PTPRD: variants seen among roughly 807,000 people sequenced by gnomAD.
The protein encoded by PTPRD is protein tyrosine phosphatase receptor type D, also known as receptor-type tyrosine-protein phosphatase delta.
In PTPRD, 34 loss-of-function variants were observed where a neutral mutation model predicts 214.5. That is an observed-to-expected ratio of 0.16 (90% confidence interval 0.12 to 0.21). The LOEUF (loss-of-function observed/expected upper bound fraction) is 0.21. Among genes scored for constraint, PTPRD ranks in the 10% least tolerant of loss-of-function variants. The pLI, the probability that PTPRD is intolerant of heterozygous loss-of-function variation, is 1.00. For missense variants in PTPRD, 2,545 were observed against 2,398.7 expected (o/e 1.06, Z -1.27); for synonymous variants, 1,128 against 845.7 (o/e 1.33, Z -5.79).
intron 9 of PTPRD, among the ~76,000 whole-genome samples, chr9:9,325,731 T>C (rs921396732): frequency 2.0e-5 from 3 of 152,130 alleles, no homozygotes; most frequent in Non-Finnish European, 4.4e-5. Flanking sequence ...AACACTATGT[T>C]GAATAGGAGT....
chr9:9,114,542 A>G (rs2099810378), intron 10 of PTPRD, among the ~76,000 whole-genome samples: 1 of 152,114 alleles, frequency 6.6e-6, no homozygotes, highest in African/African-American at 2.4e-5. Context: ...ATCAACATGA[A>G]TATTGACATT....
At chr9:9,885,615 A>G (rs2153748883) in intron 5 of PTPRD, among the ~76,000 whole-genome samples, 1 of 152,060 alleles carries the variant, frequency 6.6e-6, no homozygotes, top group Non-Finnish European at 1.5e-5. Flanking sequence ...AGGGAAGGAG[A>G]AGGGAGGGTA....
At chr9:9,265,717 A>G (rs1939156510) in intron 9 of PTPRD, among the ~76,000 whole-genome samples, 1 of 151,458 alleles carries the variant, frequency 6.6e-6, no homozygotes. Flanking sequence ...TATAGTATAT[A>G]CACAAAAGAT....
chr9:9,829,457 T>C (rs1174182439), intron 5 of PTPRD, among the ~76,000 whole-genome samples: 3 of 151,862 alleles, frequency 2.0e-5, no homozygotes, highest in Admixed American at 1.3e-4. Context: ...AATATCCCAA[T>C]TCCTCTGGCT....
At chr9:8,850,443 C>T (rs926657261) in intron 11 of PTPRD, among the ~76,000 whole-genome samples, 3 of 152,012 alleles carry the variant, frequency 2.0e-5, no homozygotes, top group African/African-American at 7.2e-5. Flanking sequence ...AAGTGAATGT[C>T]AAAGAAGTAA....
At chr9:10,375,432 G>A (rs777419615) in intron 2 of PTPRD, among the ~76,000 whole-genome samples, 4 of 151,924 alleles carry the variant, frequency 2.6e-5, no homozygotes, top group Non-Finnish European at 5.9e-5. Flanking sequence ...TAATAACCAT[G>A]AGACTACCTA....
In PTPRD at chr9:10,612,952, C is replaced by A. The variant is rs1021748469; in HGVS notation, c.-972G>T. ...GGCGGGGAGCCGAGGCGGCCGCTCC[C>A]GCACTCGCTCGCTCGCTCGCTGGCG... On this transcript the variant is annotated 5_prime_UTR_variant, in exon 1 of 46. Coordinates refer to ENST00000381196, the MANE Select transcript of PTPRD (RefSeq NM_002839.4). Among the ~76,000 whole-genome samples, 32 of 151,406 alleles carry A rather than the reference C, an allele frequency of 2.1e-4. No homozygotes were observed. The highest frequency in any genetic ancestry group is 7.7e-4 in the African/African-American group (32 of 41,420).
Position 8,929,707 on chromosome 9 carries a change from A to ATATATATATGTG in PTPRD, c.-104+88978_-104+88989dup, listed in dbSNP as rs1567059832. On this transcript the variant is annotated intron_variant, in intron 11 of 45. Coordinates refer to ENST00000381196, the MANE Select transcript of PTPRD (RefSeq NM_002839.4). ...TATATATGTGTATATATATATGTGT[A>ATATATATATGTG]TATATATATGTGTATATATATATGT... 2.4e-4 allele frequency among the ~76,000 whole-genome samples: 29 copies of ATATATATATGTG among 122,166 alleles called. 1 individual carries two copies. Among genetic ancestry groups the ATATATATATGTG allele is most frequent in the Admixed American group, 8.4e-4 (10 of 11,964 alleles). The allele number at this position is 122,166 out of a possible 152,430, so 80.1% of individuals were successfully genotyped here.
intron 3 of PTPRD, among the ~76,000 whole-genome samples, chr9:10,039,778 G>C (rs935604602): frequency 9.9e-5 from 15 of 151,714 alleles, no homozygotes; most frequent in Admixed American, 6.6e-5. Flanking sequence ...TATCAAATTG[G>C]ATACGACTGC....
At chr9:8,655,109 T>C (rs186712272) in intron 12 of PTPRD, among the ~76,000 whole-genome samples, 457 of 152,178 alleles carry the variant, frequency 3.0e-3, no homozygotes, top group South Asian at 0.013. Context: ...GTTAAAAAAA[T>C]AGGAAAGATG....
chr9:9,148,462 T>C (rs985549814), intron 10 of PTPRD, among the ~76,000 whole-genome samples: 5 of 152,164 alleles, frequency 3.3e-5, no homozygotes, highest in African/African-American at 1.2e-4. Context: ...AGCTTCTTTT[T>C]GTAGATGAGT....
At chr9:10,475,729 A>G (rs2099058459) in intron 2 of PTPRD, among the ~76,000 whole-genome samples, 1 of 152,156 alleles carries the variant, frequency 6.6e-6, no homozygotes, top group South Asian at 2.1e-4. Context: ...AAAATTCTCA[A>G]TAAAATACTA....
intron 10 of PTPRD, among the ~76,000 whole-genome samples, chr9:9,067,570 G>C (rs1590947644): frequency 6.6e-6 from 1 of 152,092 alleles, no homozygotes; most frequent in South Asian, 2.1e-4. Flanking sequence ...TATACTTCAA[G>C]GTTTGCAAGG....
chr9:10,342,994 A>G (rs2096972792), intron 2 of PTPRD, among the ~76,000 whole-genome samples: 1 of 152,140 alleles, frequency 6.6e-6, no homozygotes, highest in African/African-American at 2.4e-5. Context: ...TTTATTTTTT[A>G]TACTTTAAGT....
intron 9 of PTPRD, among the ~76,000 whole-genome samples, chr9:9,283,241 AT>A (rs1948351347): frequency 6.6e-6 from 1 of 151,448 alleles, no homozygotes; most frequent in Admixed American, 6.6e-5. Flanking sequence ...GGTTATGCTA[AT>A]TTTACTTCCA....
At chr9:8,618,309 A>G (rs1028465449) in intron 14 of PTPRD, among the ~76,000 whole-genome samples, 6 of 152,132 alleles carry the variant, frequency 3.9e-5, no homozygotes, top group African/African-American at 1.2e-4. Context: ...AATCTGATAC[A>G]TATTAAATGA....
intron 10 of PTPRD, among the ~76,000 whole-genome samples, chr9:9,093,359 T>C (rs2099778959): frequency 6.6e-6 from 1 of 152,034 alleles, no homozygotes; most frequent in East Asian, 1.9e-4. Flanking sequence ...TAGAACCCTC[T>C]ATCCAATAAC....
intron 8 of PTPRD, among the ~76,000 whole-genome samples, chr9:9,500,191 A>C (rs2096360893): frequency 6.6e-6 from 1 of 152,070 alleles, no homozygotes; most frequent in Admixed American, 6.6e-5. Context: ...TAAAACATTA[A>C]ATTCAACCAT....
At chr9:9,951,785 T>A (rs2093476129) in intron 4 of PTPRD, among the ~76,000 whole-genome samples, 1 of 152,210 alleles carries the variant, frequency 6.6e-6, no homozygotes, top group Non-Finnish European at 1.5e-5. Context: ...AGGTAGTGCC[T>A]AGCCAGTATT....
Sources: allele counts gnomAD v4.1 joint callset (sites outside exome capture counted in the v4.1 genomes callset), GRCh38; gene constraint gnomAD v4.1.1; transcripts MANE v1.5; gene names NCBI Gene and HGNC (gene_info 2026-07-23, HGNC 2026-07-21).